Variants in PRKG1 observed in about 807,000 individuals in gnomAD.
The protein encoded by PRKG1 is cGMP-dependent protein kinase 1.
PRKG1 carries 35 observed loss-of-function variants against 88.1 expected under a neutral mutation model. The ratio of observed to expected loss-of-function variants is 0.40; its 90% CI spans 0.30 to 0.53. PRKG1 has a LOEUF of 0.53. Among genes scored for constraint, PRKG1 ranks in the 20% least tolerant of loss-of-function variants. The pLI, the probability that PRKG1 is intolerant of heterozygous loss-of-function variation, is 0.59. For missense variants in PRKG1, 540 were observed against 839.8 expected (o/e 0.64, Z 4.41); for synonymous variants, 303 against 292.5 (o/e 1.04, Z -0.37).
chr10:52,181,778 G>T (rs201379027), intron 9 of PRKG1, among the ~76,000 whole-genome samples: 3,359 of 73,544 alleles, frequency 0.046, 184 homozygotes, highest in East Asian at 0.3. Flanking sequence ...ATCTTTTATG[G>T]CTGCATAGTA....
At chr10:51,674,914 G>A (rs768514585) in intron 3 of PRKG1, among the ~76,000 whole-genome samples, 6 of 152,128 alleles carry the variant, frequency 3.9e-5, no homozygotes, top group African/African-American at 1.4e-4. Context: ...AGAGGATATG[G>A]AGGAGGGAAG....
At chr10:52,066,490 C>T (rs1032471893) in intron 7 of PRKG1, among the ~76,000 whole-genome samples, 1 of 152,130 alleles carries the variant, frequency 6.6e-6, no homozygotes, top group African/African-American at 2.4e-5. Context: ...ATGAACCTCT[C>T]GAATGATGTC....
chr10:51,652,317 AAATT>A (rs1277151629), intron 3 of PRKG1, among the ~76,000 whole-genome samples: 1 of 39,672 alleles, frequency 2.5e-5, no homozygotes, highest in East Asian at 7.1e-4. Context: ...TTTCTGACAC[AAATT>A]AAAAAAAAAA....
intron 9 of PRKG1, among the ~76,000 whole-genome samples, chr10:52,203,987 C>A (rs1379285855): frequency 6.6e-6 from 1 of 152,006 alleles, no homozygotes; most frequent in East Asian, 1.9e-4. Flanking sequence ...TCGCTTGGTG[C>A]CTCTTCATTG....
At chr10:51,569,809 G>A (rs531110517) in intron 3 of PRKG1, among the ~76,000 whole-genome samples, 31 of 152,006 alleles carry the variant, frequency 2.0e-4, no homozygotes, top group African/African-American at 7.5e-4. Context: ...CCTCCCTGAT[G>A]AGGCTGTTGT....
At chr10:51,252,713 A>G (rs1564656336) in intron 2 of PRKG1, among the ~76,000 whole-genome samples, 2 of 151,726 alleles carry the variant, frequency 1.3e-5, no homozygotes, top group African/African-American at 4.8e-5. Flanking sequence ...TCTAAATCCA[A>G]CCTCTTAGCT....
At chr10:51,452,032 CTTTATT>C (rs1268614097) in intron 2 of PRKG1, among the ~76,000 whole-genome samples, 1 of 151,830 alleles carries the variant, frequency 6.6e-6, no homozygotes, top group African/African-American at 2.4e-5. Flanking sequence ...CTGTGCTAAT[CTTTATT>C]TTTAACAACT....
At chr10:51,356,694 C>A (rs1223336591) in intron 2 of PRKG1, among the ~76,000 whole-genome samples, 1 of 151,952 alleles carries the variant, frequency 6.6e-6, no homozygotes, top group Non-Finnish European at 1.5e-5. Flanking sequence ...TTGGTCAACT[C>A]CTGTATCTTG....
intron 1 of PRKG1, among the ~76,000 whole-genome samples, chr10:51,134,196 T>C (rs991206538): frequency 1.3e-5 from 2 of 152,162 alleles, no homozygotes; most frequent in Admixed American, 6.5e-5. Flanking sequence ...CTTCAATAAA[T>C]AGGAGTCAAG....
intron 1 of PRKG1, among the ~76,000 whole-genome samples, chr10:51,023,900 G>T (rs998497871): frequency 6.6e-6 from 1 of 152,206 alleles, no homozygotes; most frequent in African/African-American, 2.4e-5. Flanking sequence ...AACTGGCAGA[G>T]ATTCTGATAT....
At chr10:52,140,677 A>C (rs1837555252) in intron 8 of PRKG1, among the ~76,000 whole-genome samples, 1 of 152,170 alleles carries the variant, frequency 6.6e-6, no homozygotes. Context: ...AAAATCCAGA[A>C]GAATCTTTCA....
At chr10:51,862,537 C>T (rs76227444) in intron 4 of PRKG1, among the ~76,000 whole-genome samples, 2,178 of 152,130 alleles carry the variant, frequency 0.014, 54 homozygotes, top group African/African-American at 0.049. Flanking sequence ...ACAGGTAGCC[C>T]CATGTGTGGC....
At chr10:51,787,978 G>C (rs1436949664) in intron 3 of PRKG1, among the ~76,000 whole-genome samples, 2 of 152,114 alleles carry the variant, frequency 1.3e-5, no homozygotes, top group East Asian at 1.9e-4. Flanking sequence ...ACCGACCTTT[G>C]GGTTTATGTA....
chr10:52,074,440 T>C (rs868458681), intron 7 of PRKG1, among the ~76,000 whole-genome samples: 1 of 152,204 alleles, frequency 6.6e-6, no homozygotes, highest in African/African-American at 2.4e-5. Context: ...GAGCTACTTA[T>C]AAAAACAATT....
At chr10:52,017,665 C>T (rs1190781250) in intron 5 of PRKG1, among the ~76,000 whole-genome samples, 1 of 152,048 alleles carries the variant, frequency 6.6e-6, no homozygotes, top group South Asian at 2.1e-4. Flanking sequence ...AGTAATTATC[C>T]AAATGGTGCA....
At chr10:51,563,366 G>A (rs1020504227) in intron 3 of PRKG1, among the ~76,000 whole-genome samples, 8 of 152,000 alleles carry the variant, frequency 5.3e-5, no homozygotes, top group South Asian at 2.1e-4. Context: ...ATCCTGATCC[G>A]ATCACTATGC....
At chr10:51,143,217 G>A (rs956473640) in intron 1 of PRKG1, among the ~76,000 whole-genome samples, 2 of 152,140 alleles carry the variant, frequency 1.3e-5, no homozygotes, top group African/African-American at 4.8e-5. Context: ...CCACATATGA[G>A]TGAGATCGTG....
At chr10:51,385,114 A>G (rs533334644) in intron 2 of PRKG1, among the ~76,000 whole-genome samples, 280 of 152,316 alleles carry the variant, frequency 1.8e-3, no homozygotes, top group African/African-American at 6.4e-3. Flanking sequence ...AAAACACAGG[A>G]GTGCTTAAAG....
chr10:52,219,931 A>T (rs1180504532), intron 9 of PRKG1, among the ~76,000 whole-genome samples: 1 of 152,204 alleles, frequency 6.6e-6, no homozygotes, highest in Non-Finnish European at 1.5e-5. Context: ...AGAAAGATTA[A>T]AAGTTGGTAG....
Sources: gnomAD v4.1 joint callset for allele counts (sites outside exome capture counted in the v4.1 genomes callset) on GRCh38, gnomAD v4.1.1 for gene constraint, MANE v1.5 for transcripts, NCBI Gene and HGNC (gene_info 2026-07-23, HGNC 2026-07-21) for gene names.